The following BACE2 variants were observed in gnomAD, a reference collection of about 807,000 sequenced individuals.
BACE2 encodes the protein 56 kDa aspartic-like protease.
BACE2 carries 17 observed loss-of-function variants against 46.2 expected under a neutral mutation model. The observed-to-expected ratio is 0.37, with a 90% CI of 0.25 to 0.55. BACE2 has a LOEUF of 0.55. Ranked by LOEUF, BACE2 falls within the 20% of genes least tolerant of loss-of-function variation. The pLI is 0.82. For synonymous variants in BACE2, 277 were observed against 295.9 expected (o/e 0.94, Z 0.66); for missense variants, 595 against 698.1 (o/e 0.85, Z 1.66).
At chr21:41,274,909 A>G (rs2088468155) in intron 8 of BACE2, among the ~76,000 whole-genome samples, 1 of 152,198 alleles carries the variant, frequency 6.6e-6, no homozygotes. Flanking sequence ...GGTTGACTCC[A>G]CTGGGGAAAA....
intron 1 of BACE2, among the ~76,000 whole-genome samples, chr21:41,208,727 TC>T (rs1378948675): frequency 6.6e-6 from 1 of 152,130 alleles, no homozygotes; most frequent in African/African-American, 2.4e-5. Context: ...TTGTTTTAGT[TC>T]CTGCCACCCC....
chr21:41,230,469 G>A (rs1423970774), intron 2 of BACE2, among the ~76,000 whole-genome samples: 2 of 152,196 alleles, frequency 1.3e-5, no homozygotes, highest in Non-Finnish European at 2.9e-5. Context: ...TATTTGATGG[G>A]AGCCAAGAGA....
chr21:41,209,192 G>C (rs577140475), intron 1 of BACE2, among the ~76,000 whole-genome samples: 97 of 152,202 alleles, frequency 6.4e-4, no homozygotes, highest in Non-Finnish European at 1.2e-3. Flanking sequence ...TTCTGATTCT[G>C]ATTAAAGCCC....
At chr21:41,186,898 T>C (rs1437160450) in intron 1 of BACE2, 1 of 152,340 alleles carries the variant, frequency 6.6e-6, no homozygotes, top group East Asian at 1.9e-4. Context: ...CTTAGGGCCA[T>C]TGGGTCATTG....
chr21:41,194,873 G>T (rs898333401), intron 1 of BACE2, among the ~76,000 whole-genome samples: 1 of 152,212 alleles, frequency 6.6e-6, no homozygotes, highest in African/African-American at 2.4e-5. Flanking sequence ...GCAAAGCATG[G>T]CAGGACACAT....
intron 8 of BACE2, 43 bp downstream of exon 8, chr21:41,257,369 C>T (rs769444659): frequency 1.2e-6 from 2 of 1,601,274 alleles, no homozygotes; most frequent in Non-Finnish European, 1.7e-6. Context: ...GACAAGAGTC[C>T]TTTATGTAAA....
chr21:41,184,569 G>A (rs1031512140), intron 1 of BACE2: 2 of 167,090 alleles, frequency 1.2e-5, no homozygotes, highest in African/African-American at 4.8e-5. Context: ...TGACCTTAGG[G>A]GCTGATATGG....
At chr21:41,225,176 C>A (rs1231430505) in intron 1 of BACE2, among the ~76,000 whole-genome samples, 3 of 150,800 alleles carry the variant, frequency 2.0e-5, no homozygotes, top group African/African-American at 7.3e-5. Context: ...AGAGTTTGCA[C>A]TGAGCCGAGA....
intron 1 of BACE2, among the ~76,000 whole-genome samples, chr21:41,207,207 T>C (rs1033228578): frequency 5.9e-5 from 9 of 152,202 alleles, no homozygotes; most frequent in African/African-American, 2.2e-4. Context: ...AAATGCATAA[T>C]GGGTTCTTAG....
At chr21:41,190,448 A>T (rs887260636) in intron 1 of BACE2, among the ~76,000 whole-genome samples, 1 of 152,266 alleles carries the variant, frequency 6.6e-6, no homozygotes, top group East Asian at 1.9e-4. Flanking sequence ...TTCTTAGTAC[A>T]AGTATAAACA....
intron 1 of BACE2, among the ~76,000 whole-genome samples, chr21:41,187,883 T>G (rs1335464403): frequency 6.6e-6 from 1 of 152,222 alleles, no homozygotes; most frequent in Non-Finnish European, 1.5e-5. Flanking sequence ...CCACTACCAC[T>G]TCCATGTAAT....
chr21:41,208,426 C>G (rs906750403), intron 1 of BACE2, among the ~76,000 whole-genome samples: 4 of 152,170 alleles, frequency 2.6e-5, no homozygotes, highest in Non-Finnish European at 2.9e-5. Flanking sequence ...CCTTGCTGCT[C>G]TGCTCCACTC....
At position 41,278,479 on chromosome 21, in the gene BACE2, C is replaced by T. The variant is rs1428805816; in HGVS notation, c.*2855C>T. 1 of 152,118 alleles carries T rather than the reference C, an allele frequency of 6.6e-6. No homozygotes were observed. The highest frequency in any genetic ancestry group is 1.5e-5 in the Non-Finnish European group (1 of 68,044). The allele number at this position is 152,118 out of a possible 1,614,324, so 9.4% of individuals were successfully genotyped here. On this transcript the variant is annotated 3_prime_UTR_variant, in exon 9 of 9. Coordinates refer to ENST00000330333, the MANE Select transcript of BACE2 (RefSeq NM_012105.5). ...AAGAAACAGATGCCCTGTGTGTGAC[C>T]GAGGGGAGTGTTTTTCCACAACAGG...
intron 8 of BACE2, among the ~76,000 whole-genome samples, chr21:41,270,408 G>C (rs2088422664): frequency 6.6e-6 from 1 of 152,004 alleles, no homozygotes; most frequent in East Asian, 1.9e-4. Flanking sequence ...CTAACCCCAG[G>C]ACACAAAGAT....
At chr21:41,189,459 A>G (rs978125576) in intron 1 of BACE2, among the ~76,000 whole-genome samples, 6 of 151,912 alleles carry the variant, frequency 3.9e-5, no homozygotes, top group African/African-American at 1.5e-4. Flanking sequence ...TTTGTTTTTC[A>G]CCTTATTCCT....
chr21:41,256,776 A>G (rs944186583), intron 7 of BACE2, among the ~76,000 whole-genome samples: 2 of 152,202 alleles, frequency 1.3e-5, no homozygotes, highest in African/African-American at 4.8e-5. Flanking sequence ...CCTTGGGCAC[A>G]TGTTCTCCGG....
intron 5 of BACE2, among the ~76,000 whole-genome samples, chr21:41,244,235 C>T (rs1987389435): frequency 6.6e-6 from 1 of 152,062 alleles, no homozygotes; most frequent in Admixed American, 6.6e-5. Flanking sequence ...CACATCCCAA[C>T]ATCAATTCTC....
intron 7 of BACE2, among the ~76,000 whole-genome samples, chr21:41,251,255 A>G (rs1295291131): frequency 6.6e-6 from 1 of 152,144 alleles, no homozygotes; most frequent in Non-Finnish European, 1.5e-5. Flanking sequence ...GGGACCTGGG[A>G]GAGAGAAAAG....
At chr21:41,201,731 G>T (rs375525142) in intron 1 of BACE2, among the ~76,000 whole-genome samples, 88 of 152,362 alleles carry the variant, frequency 5.8e-4, no homozygotes, top group African/African-American at 2.0e-3. Flanking sequence ...AAATCTAAGT[G>T]AGGAAATTAT....
Sources: gnomAD v4.1 joint callset for allele counts (sites outside exome capture counted in the v4.1 genomes callset) on GRCh38, gnomAD v4.1.1 for gene constraint, MANE v1.5 for transcripts, NCBI Gene and HGNC (gene_info 2026-07-23, HGNC 2026-07-21) for gene names.